The following KIAA1549 variants were observed in gnomAD, a reference collection of about 807,000 sequenced individuals.
The protein encoded by KIAA1549 is UPF0606 protein KIAA1549.
Under a neutral mutation model 156.4 loss-of-function variants are expected in KIAA1549, and 70 were observed. The observed-to-expected ratio is 0.45, with a 90% CI of 0.37 to 0.55. KIAA1549 has a LOEUF of 0.55. KIAA1549 is among the 20% of genes least tolerant of loss of function. KIAA1549 has a pLI of 0.00. For missense variants in KIAA1549, 2,428 were observed against 2,540.9 expected, an observed-to-expected ratio of 0.96 and a Z score of 0.96; for synonymous variants, 1,103 against 1,066.4, an observed-to-expected ratio of 1.03 and a Z score of -0.67.
chr7:138,894,315 A>G (rs1337333014), intron 10 of KIAA1549, 27 bp downstream of exon 10: 1 of 1,612,100 alleles, frequency 6.2e-7, no homozygotes, highest in Non-Finnish European at 8.5e-7. Context: ...GCTTATAGGA[A>G]CACTGGGGGA....
intron 3 of KIAA1549, among the ~76,000 whole-genome samples, chr7:138,911,529 G>A (rs1178476413): frequency 2.6e-5 from 4 of 152,146 alleles, no homozygotes; most frequent in Non-Finnish European, 5.9e-5. Flanking sequence ...CAGCAAGAAA[G>A]AACAGTCAGA....
rs143376853 is a variant in KIAA1549, at chr7:138,912,213, T to G, written c.2967+159A>C. On this transcript the variant is annotated intron_variant, in intron 3 of 19. Transcript: ENST00000422774. The stretch of plus-strand genomic sequence containing the variant: ...CCTCCTCGATGCAGTGACGGTGGAA[T>G]GGAGATCCAGAGGATGAGCAGGACT... Among the ~76,000 whole-genome samples, 337 of 152,252 alleles carry G rather than the reference T, an allele frequency of 2.2e-3. 6 individuals carry two copies. Among genetic ancestry groups the G allele is most frequent in the African/African-American group, 7.6e-3 (317 of 41,554 alleles).
intron 16 of KIAA1549, among the ~76,000 whole-genome samples, chr7:138,854,886 G>A (rs1382194572): frequency 6.6e-6 from 1 of 152,114 alleles, no homozygotes; most frequent in African/African-American, 2.4e-5. Context: ...ACACGAACCT[G>A]CCAAAAATTA....
chr7:138,941,977 C>CAATATATGTATATTGTG (rs1813196611), intron 1 of KIAA1549, among the ~76,000 whole-genome samples: 4 of 151,998 alleles, frequency 2.6e-5, no homozygotes, highest in Non-Finnish European at 5.9e-5. Flanking sequence ...TATATTTTAC[C>CAATATATGTATATTGTG]ACATTACAAG....
In KIAA1549 at chr7:138,916,917, G is replaced by A. The variant is rs201768497; in HGVS notation, c.2709C>T (p.Asp903=). The change falls in exon 2 of 20, where the codon GAC becomes GAT. Residue 903 remains aspartate (D), a synonymous_variant. Transcript: ENST00000422774. ...TCTCTGGGGGGCTCTGACTTGCGGC[G>A]TCACCCATCAGGGTGGAGTCGAGGG... ...GGPLDSTLMG[D]AASQSPPESS... The A allele has an allele frequency of 1.7e-5, 28 of 1,612,816 alleles. No homozygotes were observed. Among genetic ancestry groups the A allele is most frequent in the Admixed American group, 8.3e-5 (5 of 59,904 alleles).
At chr7:138,978,601 A>G (rs1286855702) in intron 1 of KIAA1549, among the ~76,000 whole-genome samples, 2 of 152,242 alleles carry the variant, frequency 1.3e-5, no homozygotes, top group South Asian at 2.1e-4. Context: ...GGTGGACTCT[A>G]TTGAACAAAA....
At chr7:138,934,608 G>A (rs1379714572) in intron 1 of KIAA1549, among the ~76,000 whole-genome samples, 2 of 152,224 alleles carry the variant, frequency 1.3e-5, no homozygotes, top group Non-Finnish European at 2.9e-5. Context: ...GCCTCGGGCC[G>A]CATCCCCGCC....
chr7:138,886,657 G>A (rs543646178), intron 10 of KIAA1549, among the ~76,000 whole-genome samples: 28 of 152,164 alleles, frequency 1.8e-4, no homozygotes, highest in Admixed American at 8.5e-4. Flanking sequence ...TGCCAGCAGA[G>A]GGGGACAAAA....
intron 17 of KIAA1549, among the ~76,000 whole-genome samples, chr7:138,845,690 C>T (rs1301732608): frequency 6.6e-6 from 1 of 152,092 alleles, no homozygotes; most frequent in Non-Finnish European, 1.5e-5. Context: ...CGAAAAATCC[C>T]ATTCATTAAT....
At chr7:138,974,523 C>T (rs1447846636) in intron 1 of KIAA1549, among the ~76,000 whole-genome samples, 1 of 152,066 alleles carries the variant, frequency 6.6e-6, no homozygotes, top group Non-Finnish European at 1.5e-5. Flanking sequence ...ACCTTTGCCT[C>T]CCGGGTTCAA....
At chr7:138,926,800 T>C (rs1812733047) in intron 1 of KIAA1549, among the ~76,000 whole-genome samples, 1 of 152,016 alleles carries the variant, frequency 6.6e-6, no homozygotes, top group Non-Finnish European at 1.5e-5. Flanking sequence ...ATTAAGTAGA[T>C]AATACTATTT....
chr7:138,859,008 A>AAC (rs57352970), intron 16 of KIAA1549, among the ~76,000 whole-genome samples: 25,293 of 142,026 alleles, frequency 0.18, 2,457 homozygotes, highest in Middle Eastern at 0.36. Context: ...TCCATCTCAA[A>AAC]ACACACACAC....
At position 138,907,020 on chromosome 7, in the gene KIAA1549, T is replaced by C. The variant is rs780545091; in HGVS notation, c.3359A>G (p.Gln1120Arg). 2 of 1,613,684 alleles carry C rather than the reference T, an allele frequency of 1.2e-6. No individual in the cohort carries two copies. Among genetic ancestry groups the C allele is most frequent in the Non-Finnish European group, 1.7e-6 (2 of 1,179,752 alleles). Residue 1120 changes from glutamine (Q) to arginine (R), a missense_variant, in exon 6 of 20, where the codon CAG (glutamine) becomes CGG (arginine). Transcript: ENST00000422774. ...VNIIFAVKST[Q>R]GFLNGSEVSE... ...CACTTCCGACCCATTCAAAAATCCC[T>C]GTGTGCTTTTAACCGCAAAGATGAT...
intron 1 of KIAA1549, among the ~76,000 whole-genome samples, chr7:138,954,397 T>C (rs572964002): frequency 6.6e-6 from 1 of 152,186 alleles, no homozygotes; most frequent in East Asian, 1.9e-4. Context: ...GGATGGAGAT[T>C]GGGTGGGTAC....
At position 138,882,208 on chromosome 7, in the gene KIAA1549, G is replaced by A. The variant is rs116182686; in HGVS notation, c.4033-624C>T. On this transcript the variant is annotated intron_variant, in intron 10 of 19. Transcript: ENST00000422774. ...AAGCAGGAGGAGAGCCTGGCCATGC[G>A]CATAAAACCACAAAGACATGAGCCC... 3.2e-3 allele frequency among the ~76,000 whole-genome samples: 488 copies of A among 152,304 alleles called. 4 individuals are homozygous for A. Among genetic ancestry groups the A allele is most frequent in the African/African-American group, 0.011 (469 of 41,570 alleles).
intron 15 of KIAA1549, 126 bp downstream of exon 15, chr7:138,867,849 A>C: frequency 9.9e-7 from 1 of 1,006,652 alleles, no homozygotes. Flanking sequence ...TGCATCAGCC[A>C]TCAGGCATCA....
intron 2 of KIAA1549, among the ~76,000 whole-genome samples, chr7:138,915,900 C>A (rs1243100049): frequency 6.6e-6 from 1 of 152,206 alleles, no homozygotes; most frequent in Non-Finnish European, 1.5e-5. Context: ...CGGGACATGA[C>A]CCTTGAAATC....
intron 5 of KIAA1549, among the ~76,000 whole-genome samples, chr7:138,907,566 T>A (rs2130459021): frequency 6.6e-6 from 1 of 152,318 alleles, no homozygotes. Flanking sequence ...AGGGGCTCTG[T>A]GGCAGAGATC....
intron 2 of KIAA1549, among the ~76,000 whole-genome samples, chr7:138,915,358 T>C (rs1812286749): frequency 6.6e-6 from 1 of 152,066 alleles, no homozygotes; most frequent in African/African-American, 2.4e-5. Context: ...CCCATCTGTA[T>C]ATCCCTAGAA....
Sources: gnomAD v4.1 joint callset for allele counts (sites outside exome capture counted in the v4.1 genomes callset) on GRCh38, gnomAD v4.1.1 for gene constraint, MANE v1.5 for transcripts, NCBI Gene and HGNC (gene_info 2026-07-23, HGNC 2026-07-21) for gene names.